Variants in IARS1 observed in about 807,000 individuals in gnomAD.
IARS1 encodes the protein isoleucyl-tRNA synthetase 1, also known as isoleucine--tRNA ligase, cytoplasmic.
In IARS1, 124 loss-of-function variants were observed where a neutral mutation model predicts 168.2. The observed-to-expected ratio is 0.74, with a 90% CI of 0.64 to 0.86. The LOEUF is 0.86. Among genes scored for constraint, IARS1 ranks in the 40% least tolerant of loss-of-function variants. The pLI is 0.00. For missense variants in IARS1, 1,452 were observed against 1,515.8 expected, an observed-to-expected ratio of 0.96 and a Z score of 0.70; for synonymous variants, 532 against 529.4, an observed-to-expected ratio of 1.00 and a Z score of -0.07.
chr9:92,274,498 A>G lies in IARS1; in HGVS notation c.918T>C (p.Thr306=). The change falls in exon 10 of 34, where the codon ACT becomes ACC. Residue 306 remains threonine (T), a synonymous_variant. Coordinates refer to ENST00000443024, the MANE Select transcript of IARS1 (RefSeq NM_002161.6). ...FLKCKENGAF[T]VLVDNYVKEE... The stretch of plus-strand genomic sequence containing the variant: ...CCTTCACATAGTTGTCAACAAGCAC[A>G]GTGAAAGCGCCATTCTCTTTACACT... 1.2e-6 allele frequency: 2 copies of G among 1,613,950 alleles called. No individual in the cohort carries two copies. The highest frequency in any genetic ancestry group is 1.1e-5 in the South Asian group (1 of 91,084).
intron 33 of IARS1, among the ~76,000 whole-genome samples, chr9:92,221,062 CA>C (rs1429500139): frequency 6.6e-6 from 1 of 152,028 alleles, no homozygotes; most frequent in East Asian, 1.9e-4. Flanking sequence ...TCATAAACTG[CA>C]GAAAGTAAAA....
chr9:92,223,588 TA>T, intron 31 of IARS1, 99 bp from the exon 32 acceptor site: 1 of 940,810 alleles, frequency 1.1e-6, no homozygotes, highest in Non-Finnish European at 1.6e-6. Context: ...CTTTTTACGA[TA>T]ATGCTTTCCA....
chr9:92,242,431 CA>C, intron 28 of IARS1, 101 bp from the exon 29 acceptor site: 1 of 923,988 alleles, frequency 1.1e-6, no homozygotes, highest in African/African-American at 1.7e-5. Flanking sequence ...CATGCTGAAT[CA>C]TCACAGAAGG....
chr9:92,234,081 CTG>C (rs1457813646), intron 30 of IARS1, among the ~76,000 whole-genome samples: 1 of 152,160 alleles, frequency 6.6e-6, no homozygotes, highest in Non-Finnish European at 1.5e-5. Context: ...TTTTAAGTGA[CTG>C]TAAATGATAC....
chr9:92,240,065 T>C (rs1828142753), intron 30 of IARS1, among the ~76,000 whole-genome samples: 1 of 152,180 alleles, frequency 6.6e-6, no homozygotes, highest in Non-Finnish European at 1.5e-5. Flanking sequence ...CTGAACTTAC[T>C]ACTTTTAGGT....
intron 6 of IARS1, among the ~76,000 whole-genome samples, chr9:92,284,179 A>AAACAAC (rs898945022): frequency 6.6e-6 from 1 of 152,178 alleles, no homozygotes; most frequent in Non-Finnish European, 1.5e-5. Context: ...CCTATCTCAA[A>AAACAAC]AACAACAACA....
At chr9:92,260,306 T>C in intron 17 of IARS1, 72 bp from the exon 18 acceptor site, 1 of 1,017,594 alleles carries the variant, frequency 9.8e-7, no homozygotes, top group Non-Finnish European at 1.6e-6. Context: ...AGGATACAAA[T>C]CATTTGCAAA....
chr9:92,243,534 GTTTTTTTGTAGGGTGCTGCT>G (rs1828754375), intron 27 of IARS1: 1 of 420,046 alleles, frequency 2.4e-6, no homozygotes, highest in African/African-American at 2.0e-5. Flanking sequence ...TTTGTTTCTT[GTTTTTTTGTAGGGTGCTGCT>G]CACAGGAGAT....
chr9:92,274,468 T>C lies in IARS1; in HGVS notation c.948A>G (p.Glu316=), dbSNP rs1833520992. The change falls in exon 10 of 34, where the codon GAA becomes GAG. Residue 316 remains glutamate (E), a synonymous_variant. Transcript: ENST00000443024. Reference sequence around the variant, plus strand: ...CTTGGTGGACAACCCCTGTGCCTTCTTCTTCCTTCACATAGTTGTCAACAA... The same window carrying C: ...CTTGGTGGACAACCCCTGTGCCTTCCTCTTCCTTCACATAGTTGTCAACAA... ...TVLVDNYVKE[E]EGTGVVHQAP... 2 of 1,614,016 alleles carry C rather than the reference T, an allele frequency of 1.2e-6. No homozygotes were observed. The highest frequency in any genetic ancestry group is 1.7e-6 in the Non-Finnish European group (2 of 1,179,888).
chr9:92,222,564 C>A lies in IARS1; in HGVS notation c.3662G>T (p.Arg1221Leu). The A allele has an allele frequency of 6.2e-7, 1 of 1,614,052 alleles. No homozygotes were observed. Among genetic ancestry groups the A allele is most frequent in the Non-Finnish European group, 8.5e-7 (1 of 1,179,988 alleles). Reference sequence around the variant, plus strand: ...CAGAAACAGCTTTAGCTTCCTGCTCCGAAGGCCAAACACCTTGGCTGCTTC... The same window carrying A: ...CAGAAACAGCTTTAGCTTCCTGCTCAGAAGGCCAAACACCTTGGCTGCTTC... ...LYEAAKVFGLRSRKLKLFLNE... is the reference protein window; with the variant it reads ...LYEAAKVFGLLSRKLKLFLNE... Residue 1221 changes from arginine (R) to leucine (L), a missense_variant, in exon 33 of 34, where the codon CGG becomes CTG. Transcript: ENST00000443024.
intron 31 of IARS1, among the ~76,000 whole-genome samples, chr9:92,226,636 T>C (rs1019733446): frequency 3.9e-5 from 6 of 152,148 alleles, no homozygotes; most frequent in Non-Finnish European, 8.8e-5. Flanking sequence ...TTGGCAGATG[T>C]GCTCCCTCTG....
intron 14 of IARS1, among the ~76,000 whole-genome samples, chr9:92,266,395 C>T (rs971994566): frequency 2.0e-5 from 3 of 152,160 alleles, no homozygotes; most frequent in Non-Finnish European, 4.4e-5. Flanking sequence ...ACATCACAGA[C>T]CTAGATGGGA....
At chr9:92,221,500 T>C (rs191998823) in intron 33 of IARS1, among the ~76,000 whole-genome samples, 69 of 152,322 alleles carry the variant, frequency 4.5e-4, no homozygotes, top group African/African-American at 1.5e-3. Flanking sequence ...GGGGAAGTGA[T>C]TGCAGTGGCA....
At chr9:92,280,973 G>A in intron 6 of IARS1, 80 bp from the exon 7 acceptor site, 24 of 881,730 alleles carry the variant, frequency 2.7e-5, no homozygotes, top group South Asian at 1.4e-4. Flanking sequence ...CTCCTAAAGA[G>A]GAATAAAATA....
chr9:92,244,000 G>A (rs1455491239), intron 27 of IARS1, among the ~76,000 whole-genome samples: 3 of 152,146 alleles, frequency 2.0e-5, no homozygotes, highest in African/African-American at 7.2e-5. Flanking sequence ...TTACCTTTGA[G>A]TAAACAGAGA....
chr9:92,235,843 TTGA>T (rs368556467), intron 30 of IARS1, among the ~76,000 whole-genome samples: 6 of 152,186 alleles, frequency 3.9e-5, no homozygotes, highest in African/African-American at 1.4e-4. Context: ...TTTTTAAATA[TTGA>T]ATCAGCCTTG....
intron 25 of IARS1, among the ~76,000 whole-genome samples, chr9:92,248,768 C>A (rs1829604250): frequency 1.3e-5 from 2 of 151,032 alleles, no homozygotes; most frequent in Admixed American, 1.3e-4. Flanking sequence ...TTTCAAGCAA[C>A]TGAAAACCAA....
chr9:92,250,042 A>C, intron 24 of IARS1, 101 bp from the exon 25 acceptor site: 3 of 869,486 alleles, frequency 3.5e-6, no homozygotes, highest in Admixed American at 1.8e-5. Flanking sequence ...AGCTCTAGTC[A>C]GGCTGGACTA....
At position 92,265,479 on chromosome 9, in the gene IARS1, C is replaced by CCT; in HGVS notation, c.1504_1505dup (p.Ser502ArgfsTer6). The CCT allele has an allele frequency of 6.2e-7, 1 of 1,612,996 alleles. No individual in the cohort carries two copies. Among genetic ancestry groups the CCT allele is most frequent in the East Asian group, 2.2e-5 (1 of 44,866 alleles). ...AGTGAATCGAACATTTAGAAACTGA[C>CCT]CTCTCTCTGTGGAGATCTGAGATCT... On this transcript the variant is annotated frameshift_variant and splice_region_variant. Transcript: ENST00000443024. LOFTEE classifies it high-confidence loss of function.
Sources: gnomAD v4.1 joint callset for allele counts (sites outside exome capture counted in the v4.1 genomes callset) on GRCh38, gnomAD v4.1.1 for gene constraint, MANE v1.5 for transcripts, NCBI Gene and HGNC (gene_info 2026-07-23, HGNC 2026-07-21) for gene names.